ENGASE: variants seen among roughly 807,000 people sequenced by gnomAD.
ENGASE encodes the protein cytosolic endo-beta-N-acetylglucosaminidase.
ENGASE carries 69 observed loss-of-function variants against 78.5 expected under a neutral mutation model. The ratio of observed to expected loss-of-function variants is 0.88; its 90% CI spans 0.72 to 1.07. ENGASE has a LOEUF of 1.07. Ranked by LOEUF, ENGASE falls within the 50% of genes least tolerant of loss-of-function variation. ENGASE has a pLI of 0.00. For missense variants in ENGASE, 943 were observed against 988.4 expected (o/e 0.95, Z 0.62); for synonymous variants, 408 against 408.9 (o/e 1.00, Z 0.03).
rs2073190856 is a variant in ENGASE at position 79,083,056 on chromosome 17, G to T, written c.1075G>T (p.Ala359Ser). ...ELIRKHGFSV[A>S]LFAPGWVYEC... The stretch of plus-strand genomic sequence containing the variant: ...GATCCGAAAGCATGGCTTCTCCGTG[G>T]CTTTGTTTGCCCCCGGCTGGGTGTA... Residue 359 changes from alanine (A) to serine (S), a missense_variant, in exon 8 of 14, where the codon GCT becomes TCT. Ala to Ser is a moderately conservative substitution (Grantham distance 99). Transcript: ENST00000579016. This position sits in a 1 kb window ranked among gnomAD's most constrained non-coding sequence, Gnocchi z 4.9. 4.3e-6 allele frequency: 7 copies of T among 1,614,074 alleles called. No homozygotes were observed. Among genetic ancestry groups the T allele is most frequent in the Non-Finnish European group, 5.9e-6 (7 of 1,180,006 alleles).
Position 79,086,141 on chromosome 17 carries a change from G to T in ENGASE, c.2024G>T (p.Gly675Val), listed in dbSNP as rs1162159342. 6 of 1,613,762 alleles carry T rather than the reference G, an allele frequency of 3.7e-6. No homozygotes were observed. The highest frequency in any genetic ancestry group is 4.2e-6 in the Non-Finnish European group (5 of 1,180,044). ...GGAGGGATGAGTGATGACTCTCCGG[G>T]CAGGGAGCTGCCGAGGCCAGAGATG... Reference protein sequence around the residue: ...CWGGMSDDSPGRELPRPEMPM... With the variant: ...CWGGMSDDSPVRELPRPEMPM... Residue 675 changes from glycine (G) to valine (V), a missense_variant, in exon 14 of 14, where the codon GGC becomes GTC. Gly to Val is a moderately radical substitution (Grantham distance 109). Transcript: ENST00000579016.
rs1459840271 is a variant in ENGASE, at chr17:79,077,804, G to A, written c.356G>A (p.Ser119Asn). 10 of 1,614,094 alleles carry A rather than the reference G, an allele frequency of 6.2e-6. No homozygotes were observed. The highest frequency in any genetic ancestry group is 7.6e-6 in the Non-Finnish European group (9 of 1,180,036). Reference sequence around the variant, plus strand: ...CTGGCGTGTCGCCAGCCCCCTCTGAGCAGCCAGAGGCCCCGGACTTTGTTG... The same window carrying A: ...CTGGCGTGTCGCCAGCCCCCTCTGAACAGCCAGAGGCCCCGGACTTTGTTG... ...EPLACRQPPL[S>N]SQRPRTLLCH... is the part of the protein sequence containing the mutation. Residue 119 changes from serine to asparagine, a missense_variant, in exon 3 of 14, where the codon AGC becomes AAC. Ser to Asn is a conservative substitution (Grantham distance 46, BLOSUM62 1). Coordinates refer to ENST00000579016, the MANE Select transcript of ENGASE (RefSeq NM_001042573.3).
chr17:79,083,559 G>A lies in ENGASE; in HGVS notation c.1220G>A (p.Gly407Asp). 1 of 1,614,170 alleles carries A rather than the reference G, an allele frequency of 6.2e-7. No individual in the cohort carries two copies. The highest frequency in any genetic ancestry group is 8.5e-7 in the Non-Finnish European group (1 of 1,180,022). ...SLPFVTSFCL[G>D]MGARRVCYGQ... ...CCTTTCGTCACGTCCTTCTGCCTGG[G>A]CATGGGTGCACGGAGGGTCTGCTAT... is the stretch of plus-strand genomic sequence containing the variant. The change falls in exon 9 of 14, where the codon GGC (glycine) becomes GAC (aspartate). Residue 407 changes from glycine to aspartate, a missense_variant. Physicochemically the swap from Gly to Asp is moderately conservative, Grantham distance 94. Transcript: ENST00000579016. The surrounding 1 kb of genome is among the most constrained non-coding windows in gnomAD (Gnocchi z 4.9).
rs748662225 is a variant in ENGASE at position 79,086,138 on chromosome 17, C to T, written c.2021C>T (p.Pro674Leu). The stretch of plus-strand genomic sequence containing the variant: ...TGGGGAGGGATGAGTGATGACTCTC[C>T]GGGCAGGGAGCTGCCGAGGCCAGAG... ...HCWGGMSDDS[P>L]GRELPRPEMP... The change falls in exon 14 of 14, where the codon CCG becomes CTG. Residue 674 changes from proline to leucine, a missense_variant. Physicochemically the swap from Pro to Leu is moderately conservative, Grantham distance 98. Coordinates refer to ENST00000579016, the MANE Select transcript of ENGASE (RefSeq NM_001042573.3). The T allele has an allele frequency of 2.4e-5, 38 of 1,613,610 alleles. No homozygotes were observed. Among genetic ancestry groups the T allele is most frequent in the African/African-American group, 4.0e-5 (3 of 74,942 alleles).
chr17:79,082,387 G>T, intron 7 of ENGASE: 1 of 1,263,204 alleles, frequency 7.9e-7, no homozygotes, highest in East Asian at 4.5e-5. Flanking sequence ...GATCTTCCCC[G>T]TGAGGGAAGC....
chr17:79,085,398 A>G, intron 12 of ENGASE, 56 bp downstream of exon 12: 1 of 1,458,958 alleles, frequency 6.9e-7, no homozygotes, highest in Non-Finnish European at 9.3e-7. Flanking sequence ...CTGTTGGGAA[A>G]CCCCAGAGCT....
At chr17:79,076,915 C>T (rs1286929797) in intron 1 of ENGASE, among the ~76,000 whole-genome samples, 1 of 152,112 alleles carries the variant, frequency 6.6e-6, no homozygotes, top group African/African-American at 2.4e-5. Flanking sequence ...TTCTGTTGCC[C>T]AAGTTGGAGT....
Position 79,086,912 on chromosome 17 carries a change from G to T in ENGASE, c.*563G>T. On this transcript the variant is annotated 3_prime_UTR_variant, in exon 14 of 14. Transcript: ENST00000579016. Reference sequence around the variant, plus strand: ...AGTGTGGAAGGCCCTTTTCCCTGAGGAGTGGGCATTCTGGGCCAGCCGGCG... The same window carrying T: ...AGTGTGGAAGGCCCTTTTCCCTGAGTAGTGGGCATTCTGGGCCAGCCGGCG... The T allele has an allele frequency of 2.2e-6, 1 of 460,186 alleles. No homozygotes were observed. The highest frequency in any genetic ancestry group is 6.8e-5 in the East Asian group (1 of 14,710). 28.5% of individuals were successfully genotyped at this position (460,186 alleles called of 1,614,324 possible). A position where few individuals can be genotyped will look rare whatever the true frequency, so the allele number is the denominator to read the frequency against.
In ENGASE at chr17:79,083,881, GC is replaced by G. The variant is rs758816760; in HGVS notation, c.1374del (p.Trp459GlyfsTer12). On this transcript the variant is annotated frameshift_variant, in exon 10 of 14. Coordinates refer to ENST00000579016, the MANE Select transcript of ENGASE (RefSeq NM_001042573.3). LOFTEE classifies it high-confidence loss of function. This position sits in a 1 kb window ranked among gnomAD's most constrained non-coding sequence, Gnocchi z 4.9. ...GAGGACGCACTGCTGCCTGGAGGAT[GC>G]CTGGCACGGAGGCAGCTCCCTGCTC... ...WVRTHCCLED[A>X]WHGGSSLLVR... The G allele has an allele frequency of 6.2e-7, 1 of 1,612,468 alleles. No individual in the cohort carries two copies. Among genetic ancestry groups the G allele is most frequent in the Non-Finnish European group, 8.5e-7 (1 of 1,179,826 alleles).
chr17:79,084,261 C>A, intron 10 of ENGASE: 1 of 488,998 alleles, frequency 2.0e-6, no homozygotes, highest in Non-Finnish European at 3.5e-6. Flanking sequence ...CCCCCCAAAG[C>A]CACCCCTTTA....
chr17:79,082,386 C>T (rs1472068152), intron 7 of ENGASE: 14 of 1,263,700 alleles, frequency 1.1e-5, no homozygotes, highest in South Asian at 4.6e-5. Flanking sequence ...TGATCTTCCC[C>T]GTGAGGGAAG....
intron 3 of ENGASE, 56 bp downstream of exon 3, chr17:79,077,920 G>A: frequency 7.1e-7 from 1 of 1,400,116 alleles, no homozygotes; most frequent in Non-Finnish European, 9.7e-7. Flanking sequence ...TGCTGGGGTG[G>A]GGGCTGGAGG....
Position 79,085,221 on chromosome 17 carries a change from T to C in ENGASE, c.1592-13T>C. ...AGATTCTCCTTTTTCAAGTTCCGTG[T>C]CTCCTTCTGCAGCAGAAACAAGCTC... On this transcript the variant is annotated splice_polypyrimidine_tract_variant and intron_variant, in intron 11 of 13. Coordinates refer to ENST00000579016, the MANE Select transcript of ENGASE (RefSeq NM_001042573.3). The C allele has an allele frequency of 6.2e-7, 1 of 1,605,320 alleles. No individual in the cohort carries two copies. The highest frequency in any genetic ancestry group is 8.5e-7 in the Non-Finnish European group (1 of 1,172,444).
Position 79,085,691 on chromosome 17 carries a change from G to T in ENGASE, c.1772G>T (p.Ser591Ile), listed in dbSNP as rs760389206. The part of the protein sequence containing the change: ...LLVCFSRPPG[S>I]REEESFTCRL... ...GTTTGCTTCTCACGGCCGCCGGGTA[G>T]TCGGGAGGAGGAGAGCTTCACCTGT... is the stretch of plus-strand genomic sequence containing the variant. The change falls in exon 13 of 14, where the codon AGT (serine) becomes ATT (isoleucine). Residue 591 changes from serine (S) to isoleucine (I), a missense_variant. Coordinates refer to ENST00000579016, the MANE Select transcript of ENGASE (RefSeq NM_001042573.3). 6.2e-7 allele frequency: 1 copy of T among 1,613,958 alleles called. No individual in the cohort carries two copies. The highest frequency in any genetic ancestry group is 2.2e-5 in the East Asian group (1 of 44,866).
chr17:79,084,644 G>A lies in ENGASE; in HGVS notation c.1549G>A (p.Asp517Asn). ...VTVALELTTG[D>N]AGSCHIGGIS... ...AGTTGCTTTGGAGCTGACCACAGGG[G>A]ATGCCGGCAGCTGCCACATCGGTGG... Residue 517 changes from aspartate to asparagine, a missense_variant, in exon 11 of 14, where the codon GAT becomes AAT. Asp to Asn is a conservative substitution (Grantham distance 23). Transcript: ENST00000579016. The A allele has an allele frequency of 6.2e-7, 1 of 1,613,224 alleles. No individual in the cohort carries two copies. Among genetic ancestry groups the A allele is most frequent in the Non-Finnish European group, 8.5e-7 (1 of 1,179,816 alleles).
Position 79,079,650 on chromosome 17 carries a change from G to A in ENGASE, c.565+13G>A. ...GTCTGCGTGCTGGGTAAGAGCCAAG[G>A]ACTCACCTCTGTGTCAGCCAGACTC... is the stretch of plus-strand genomic sequence containing the variant. On this transcript the variant is annotated intron_variant, in intron 4 of 13. Coordinates refer to ENST00000579016, the MANE Select transcript of ENGASE (RefSeq NM_001042573.3). 1 of 1,610,788 alleles carries A rather than the reference G, an allele frequency of 6.2e-7. No individual in the cohort carries two copies. Among genetic ancestry groups the A allele is most frequent in the Non-Finnish European group, 8.5e-7 (1 of 1,179,080 alleles).
In ENGASE at chr17:79,086,251, C is replaced by T. The variant is rs202244383; in HGVS notation, c.2134C>T (p.Arg712Cys). The T allele has an allele frequency of 1.0e-3, 1,674 of 1,613,562 alleles. 2 individuals carry two copies. The highest frequency in any genetic ancestry group is 1.3e-3 in the Non-Finnish European group (1,588 of 1,180,030). The change falls in exon 14 of 14, where the codon CGC becomes TGC. Residue 712 changes from arginine to cysteine, a missense_variant. Physicochemically the swap from Arg to Cys is radical, Grantham distance 180. Coordinates refer to ENST00000579016, the MANE Select transcript of ENGASE (RefSeq NM_001042573.3). ...AGCCGCCGGGCCCGGCCAGGATCGT[C>T]GCATGGAATTTCTGGTGGAGCCTGT... is the stretch of plus-strand genomic sequence containing the variant. ...VEAAGPGQDR[R>C]MEFLVEPVPK...
At chr17:79,075,921 G>T (rs2072957671) in intron 1 of ENGASE, 2 of 984,278 alleles carry the variant, frequency 2.0e-6, no homozygotes, top group South Asian at 4.7e-5. Context: ...TTCTGAGAAG[G>T]TCTGGGAGGG....
intron 6 of ENGASE, among the ~76,000 whole-genome samples, chr17:79,081,546 A>G (rs1053164292): frequency 2.4e-4 from 36 of 151,990 alleles, no homozygotes; most frequent in Admixed American, 2.4e-3. Flanking sequence ...AGCAGACACC[A>G]TGGATGCTGG....
Sources: allele counts gnomAD v4.1 joint callset (sites outside exome capture counted in the v4.1 genomes callset), GRCh38; gene constraint gnomAD v4.1.1; non-coding constraint Gnocchi (gnomAD v3.1); transcripts MANE v1.5; gene names NCBI Gene and HGNC (gene_info 2026-07-23, HGNC 2026-07-21).